ELF2: variants seen among roughly 807,000 people sequenced by gnomAD.
ELF2 encodes the protein E74 like ETS transcription factor 2.
Under a neutral mutation model 54.8 loss-of-function variants are expected in ELF2, and 11 were observed. The observed-to-expected ratio is 0.20, with a 90% CI of 0.13 to 0.33. ELF2 has a LOEUF of 0.33. ELF2 is among the 10% of genes least tolerant of loss of function. ELF2 has a pLI of 1.00. For synonymous variants in ELF2, 203 were observed against 245.1 expected (o/e 0.83, Z 1.61); for missense variants, 513 against 703.0 (o/e 0.73, Z 3.06).
Position 139,139,408 on chromosome 4 carries a change from C to T in ELF2, c.-167+5G>A. On this transcript the variant is annotated splice_donor_5th_base_variant and intron_variant, in intron 2 of 9. Coordinates refer to ENST00000686138, the MANE Select transcript of ELF2 (RefSeq NM_001331036.3). ...ATAATAATAGCAGAAATAAATTTTA[C>T]TTACAGTTTGTATGTTAAGTAGTCT... 3 of 1,217,596 alleles carry T rather than the reference C, an allele frequency of 2.5e-6. No homozygotes were observed. The African/African-American group carries it at 4.7e-5, about 19-fold the overall frequency. The allele number at this position is 1,217,596 out of a possible 1,614,324, so 75.4% of individuals were successfully genotyped here.
intron 4 of ELF2, among the ~76,000 whole-genome samples, chr4:139,102,875 G>A (rs577898569): frequency 6.6e-5 from 10 of 151,980 alleles, no homozygotes; most frequent in African/African-American, 9.7e-5. Context: ...TAACTAGATC[G>A]GAGACATAAA....
At chr4:139,094,659 C>G (rs1461599205) in intron 4 of ELF2, among the ~76,000 whole-genome samples, 32 of 151,990 alleles carry the variant, frequency 2.1e-4, no homozygotes. Flanking sequence ...GGACATACAA[C>G]CTCAACAAAC....
At chr4:139,115,645 A>C (rs1007592761) in intron 4 of ELF2, among the ~76,000 whole-genome samples, 2 of 152,102 alleles carry the variant, frequency 1.3e-5, no homozygotes, top group Non-Finnish European at 2.9e-5. Flanking sequence ...TCATAATTGC[A>C]AATCATATTT....
intron 1 of ELF2, among the ~76,000 whole-genome samples, chr4:139,159,907 G>C (rs1469188625): frequency 2.0e-5 from 3 of 152,206 alleles, no homozygotes; most frequent in Non-Finnish European, 4.4e-5. Context: ...GGCGTATTTA[G>C]AGTCAGTATA....
At chr4:139,139,939 A>AT (rs1239229433) in intron 1 of ELF2, among the ~76,000 whole-genome samples, 2 of 152,034 alleles carry the variant, frequency 1.3e-5, no homozygotes, top group South Asian at 2.1e-4. Context: ...AGGAAAAAAA[A>AT]TTTTTTAGAG....
intron 4 of ELF2, chr4:139,084,293 A>T: frequency 1.3e-6 from 2 of 1,599,318 alleles, no homozygotes; most frequent in Non-Finnish European, 1.7e-6. Flanking sequence ...ACGCCGTGCG[A>T]CCGACACACA....
At chr4:139,095,968 A>G (rs184558351) in intron 4 of ELF2, among the ~76,000 whole-genome samples, 3 of 152,164 alleles carry the variant, frequency 2.0e-5, no homozygotes, top group Non-Finnish European at 4.4e-5. Flanking sequence ...AAAATTAGCC[A>G]GGTGTGGTGG....
At position 139,125,347 on chromosome 4, in the gene ELF2, A is replaced by G; in HGVS notation, c.73-18T>C. 1 of 1,602,652 alleles carries G rather than the reference A, an allele frequency of 6.2e-7. No homozygotes were observed. The highest frequency in any genetic ancestry group is 8.5e-7 in the Non-Finnish European group (1 of 1,177,446). On this transcript the variant is annotated intron_variant, in intron 3 of 9. Transcript: ENST00000686138. ...TCACTTTCCTATAAGAGCAAATTTA[A>G]AGAACAATCAACCTTTGTATTTACA... is the stretch of plus-strand genomic sequence containing the variant.
intron 4 of ELF2, among the ~76,000 whole-genome samples, chr4:139,077,298 AT>A (rs1292227169): frequency 6.6e-6 from 1 of 152,172 alleles, no homozygotes; most frequent in African/African-American, 2.4e-5. Flanking sequence ...TCAGTTTCAG[AT>A]TTTAGAACAC....
At chr4:139,065,032 G>C (rs961676959) in intron 7 of ELF2, among the ~76,000 whole-genome samples, 7 of 151,014 alleles carry the variant, frequency 4.6e-5, no homozygotes, top group East Asian at 3.9e-4. Flanking sequence ...TCTTTTTTTT[G>C]CATTTTTATT....
intron 3 of ELF2, among the ~76,000 whole-genome samples, chr4:139,134,739 G>A (rs1490611956): frequency 6.6e-6 from 1 of 151,114 alleles, no homozygotes; most frequent in Non-Finnish European, 1.5e-5. Context: ...AGAAATGGGG[G>A]TCTCCTGGGT....
chr4:139,125,386 C>T lies in ELF2; in HGVS notation c.73-57G>A, dbSNP rs1736815311. ...TTTGTATTTACAAATTCTGAATTCA[C>T]TTATAAATCCTTGAACTAATACAGT... On this transcript the variant is annotated intron_variant, in intron 3 of 9. Transcript: ENST00000686138. The T allele has an allele frequency of 3.2e-6, 5 of 1,581,218 alleles. No individual in the cohort carries two copies. The East Asian group carries it at 6.7e-5, about 21-fold the overall frequency.
chr4:139,130,433 C>A (rs1364392125), intron 3 of ELF2, among the ~76,000 whole-genome samples: 1 of 152,194 alleles, frequency 6.6e-6, no homozygotes, highest in Non-Finnish European at 1.5e-5. Context: ...GCTTCTAATT[C>A]CTAAATGTGA....
intron 4 of ELF2, among the ~76,000 whole-genome samples, chr4:139,091,377 T>C (rs1050305884): frequency 4.6e-5 from 7 of 151,852 alleles, no homozygotes; most frequent in Non-Finnish European, 7.4e-5. Flanking sequence ...AAATAAAAGG[T>C]TTAAAAATAA....
chr4:139,114,469 T>A (rs1202000187), intron 4 of ELF2, among the ~76,000 whole-genome samples: 2 of 151,674 alleles, frequency 1.3e-5, no homozygotes, highest in Middle Eastern at 3.4e-3. Context: ...CTCAGGAGGC[T>A]GAGGCAGGAG....
At chr4:139,136,680 T>C (rs991533508) in intron 3 of ELF2, 2 of 151,178 alleles carry the variant, frequency 1.3e-5, no homozygotes, top group African/African-American at 4.9e-5. Context: ...TTTTTTTTTT[T>C]TTGAGACGGA....
At chr4:139,095,055 C>T (rs549317853) in intron 4 of ELF2, among the ~76,000 whole-genome samples, 2 of 152,050 alleles carry the variant, frequency 1.3e-5, no homozygotes, top group Admixed American at 1.3e-4. Flanking sequence ...AATTTTGTTT[C>T]TTCTCTTCTG....
At chr4:139,154,485 A>C (rs949759373) in intron 1 of ELF2, among the ~76,000 whole-genome samples, 2 of 152,020 alleles carry the variant, frequency 1.3e-5, no homozygotes, top group African/African-American at 4.8e-5. Context: ...GGACCTCCAA[A>C]TCACTAAGCC....
At chr4:139,158,009 C>A (rs1341459292) in intron 1 of ELF2, among the ~76,000 whole-genome samples, 1 of 152,152 alleles carries the variant, frequency 6.6e-6, no homozygotes, top group Non-Finnish European at 1.5e-5. Context: ...ACCAAACAGG[C>A]TTTGTGTGAG....
Sources: gnomAD v4.1 joint callset for allele counts (sites outside exome capture counted in the v4.1 genomes callset) on GRCh38, gnomAD v4.1.1 for gene constraint, MANE v1.5 for transcripts, NCBI Gene and HGNC (gene_info 2026-07-23, HGNC 2026-07-21) for gene names.